NRDE2: variants seen among roughly 807,000 people sequenced by gnomAD.
NRDE2 encodes nuclear exosome regulator NRDE2.
Under a neutral mutation model 124.2 loss-of-function variants are expected in NRDE2, and 76 were observed. The ratio of observed to expected loss-of-function variants is 0.61; its 90% CI spans 0.51 to 0.74. The LOEUF is 0.74. Ranked by LOEUF, NRDE2 falls within the 30% of genes least tolerant of loss-of-function variation. The probability of loss-of-function intolerance (pLI) is 0.00; values close to 1 mark genes in which losing one functional copy is unlikely to be tolerated. For missense variants in NRDE2, 1,314 were observed against 1,417.3 expected (o/e 0.93, Z 1.17); for synonymous variants, 489 against 528.1 (o/e 0.93, Z 1.01).
At position 90,273,142 on chromosome 14, in the gene NRDE2, C is replaced by T. The variant is rs1206482105; in HGVS notation, c.*5194G>A. ...TCAGGCCTAAAGCTATTAAGTGGGA[C>T]AGATCAAGGTAAGCGTTCCCTTGAC... On this transcript the variant is annotated 3_prime_UTR_variant, in exon 14 of 14. Coordinates refer to ENST00000354366, the MANE Select transcript of NRDE2 (RefSeq NM_017970.4). The T allele has an allele frequency of 6.6e-6, 1 of 152,222 alleles. No individual in the cohort carries two copies. The highest frequency in any genetic ancestry group is 1.5e-5 in the Non-Finnish European group (1 of 68,054). The allele number at this position is 152,222 out of a possible 1,614,324, so 9.4% of individuals were successfully genotyped here.
rs754913653 is a variant in NRDE2, at chr14:90,298,380, C to A, written c.1546G>T (p.Val516Leu). Reference protein sequence around the residue: ...SVKDLPTKGQVEFFEPFWDSG... With the variant: ...SVKDLPTKGQLEFFEPFWDSG... Reference sequence around the variant, plus strand: ...TCCCAAAAGGGTTCAAAGAATTCCACCTGTTCAGATTTTAGAATGGACGTT... The same window carrying A: ...TCCCAAAAGGGTTCAAAGAATTCCAACTGTTCAGATTTTAGAATGGACGTT... The change falls in exon 8 of 14, where the codon GTG becomes TTG. Residue 516 changes from valine (V) to leucine (L), a missense_variant and splice_region_variant. Val to Leu is a conservative substitution (Grantham distance 32, BLOSUM62 1). Transcript: ENST00000354366. The A allele has an allele frequency of 1.2e-6, 2 of 1,613,664 alleles. No homozygotes were observed. Among genetic ancestry groups the A allele is most frequent in the African/African-American group, 2.7e-5 (2 of 74,920 alleles).
chr14:90,309,735 CCACTGTCCTCTGACCAG>C (rs1884758785), intron 4 of NRDE2, among the ~76,000 whole-genome samples: 1 of 152,272 alleles, frequency 6.6e-6, no homozygotes, highest in East Asian at 1.9e-4. Context: ...GACAGTATTC[CCACTGTCCTCTGACCAG>C]CTCAGACTGC....
chr14:90,288,453 T>C lies in NRDE2; in HGVS notation c.2922A>G (p.Lys974=). ...GAGGGGCCAGCGGGTAAACACTCAC[T>C]TTCATGTGGAATCTCAGCAGGCTCG... ...MHTSLLRFHM[K]VSVYPLAPLR... Residue 974 remains lysine (K), a synonymous_variant, in exon 11 of 14, where the codon AAA becomes AAG. Coordinates refer to ENST00000354366, the MANE Select transcript of NRDE2 (RefSeq NM_017970.4). 6.2e-7 allele frequency: 1 copy of C among 1,614,176 alleles called. No individual in the cohort carries two copies.
chr14:90,297,254 T>C (rs1227959474), intron 8 of NRDE2, among the ~76,000 whole-genome samples: 1 of 152,056 alleles, frequency 6.6e-6, no homozygotes, highest in African/African-American at 2.4e-5. Context: ...AAATACCTAG[T>C]TAATAATTTT....
chr14:90,315,814 A>G (rs1306170856), intron 3 of NRDE2, among the ~76,000 whole-genome samples: 1 of 150,958 alleles, frequency 6.6e-6, no homozygotes, highest in Admixed American at 6.6e-5. Context: ...AAAATTAGCC[A>G]GGCGTGGTGG....
At chr14:90,288,081 T>A in intron 11 of NRDE2, 136 bp downstream of exon 11, 1 of 772,016 alleles carries the variant, frequency 1.3e-6, no homozygotes, top group Non-Finnish European at 2.1e-6. Context: ...CTATGACACC[T>A]ACAGCCCCAC....
chr14:90,276,225 T>G lies in NRDE2; in HGVS notation c.*2111A>C, dbSNP rs1595050126. On this transcript the variant is annotated 3_prime_UTR_variant, in exon 14 of 14. Coordinates refer to ENST00000354366, the MANE Select transcript of NRDE2 (RefSeq NM_017970.4). The stretch of plus-strand genomic sequence containing the variant: ...GCAATCTCAAACGGGCTGTTTTTTT[T>G]TTTTTTTTTTCGAGACGGAGTCTTG... The G allele has an allele frequency of 6.7e-6, 1 of 148,938 alleles. No homozygotes were observed. The highest frequency in any genetic ancestry group is 2.2e-4 in the South Asian group (1 of 4,548). The allele number at this position is 148,938 out of a possible 1,614,324, so 9.2% of individuals were successfully genotyped here. A position where few individuals can be genotyped will look rare whatever the true frequency, so the allele number is the denominator to read the frequency against.
At chr14:90,308,181 T>C (rs1297399124) in intron 4 of NRDE2, among the ~76,000 whole-genome samples, 1 of 152,174 alleles carries the variant, frequency 6.6e-6, no homozygotes, top group Non-Finnish European at 1.5e-5. Context: ...GCCAAAGAAA[T>C]AACAATCTAT....
At position 90,272,574 on chromosome 14, in the gene NRDE2, T is replaced by C. The variant is rs1891698071; in HGVS notation, c.*5762A>G. On this transcript the variant is annotated 3_prime_UTR_variant, in exon 14 of 14. Transcript: ENST00000354366. This position sits in a 1 kb window ranked among gnomAD's most constrained non-coding sequence, Gnocchi z 4.5. ...TGTAAGTGCCCATTGGGTGGCCTGT[T>C]GGTCACTGTGCAGCAGTCTGCTTCC... The C allele has an allele frequency of 8.8e-6, 5 of 568,856 alleles. No individual in the cohort carries two copies. The highest frequency in any genetic ancestry group is 1.6e-5 in the Non-Finnish European group (5 of 315,492). 35.2% of individuals were successfully genotyped at this position (568,856 alleles called of 1,614,324 possible). A position where few individuals can be genotyped will look rare whatever the true frequency, so the allele number is the denominator to read the frequency against.
chr14:90,303,987 A>G lies in NRDE2; in HGVS notation c.953T>C (p.Val318Ala). 6.2e-7 allele frequency: 1 copy of G among 1,613,640 alleles called. No homozygotes were observed. The highest frequency in any genetic ancestry group is 2.2e-5 in the East Asian group (1 of 44,890). Reference protein sequence around the residue: ...KAKVEEFNRRVRENPRDTQLW... With the variant: ...KAKVEEFNRRARENPRDTQLW... ...CTGCGTATCCCGAGGATTCTCCCGCACCCTCCTGTTAAACTCCTCCACCTT... is the reference window on the plus strand; with the variant it reads ...CTGCGTATCCCGAGGATTCTCCCGCGCCCTCCTGTTAAACTCCTCCACCTT... Residue 318 changes from valine to alanine, a missense_variant, in exon 5 of 14, where the codon GTG becomes GCG. By Grantham distance (64) the Val-to-Ala change is moderately conservative (BLOSUM62 0). Coordinates refer to ENST00000354366, the MANE Select transcript of NRDE2 (RefSeq NM_017970.4).
intron 1 of NRDE2, among the ~76,000 whole-genome samples, chr14:90,322,568 A>G (rs553137695): frequency 6.6e-6 from 1 of 152,376 alleles, no homozygotes; most frequent in East Asian, 1.9e-4. Context: ...CTAGGTATAA[A>G]GTACAACTAG....
At position 90,277,645 on chromosome 14, in the gene NRDE2, G is replaced by A. The variant is rs1891833857; in HGVS notation, c.*691C>T. The A allele has an allele frequency of 6.6e-6, 1 of 152,352 alleles. No homozygotes were observed. Among genetic ancestry groups the A allele is most frequent in the Non-Finnish European group, 1.5e-5 (1 of 68,164 alleles). The allele number at this position is 152,352 out of a possible 1,614,324, so 9.4% of individuals were successfully genotyped here. A position where few individuals can be genotyped will look rare whatever the true frequency, so the allele number is the denominator to read the frequency against. On this transcript the variant is annotated 3_prime_UTR_variant, in exon 14 of 14. Coordinates refer to ENST00000354366, the MANE Select transcript of NRDE2 (RefSeq NM_017970.4). Reference sequence around the variant, plus strand: ...AGCGTGCTCGGCTCCTAGACGGCTTGGGAGCAGGCTTCCCCCAGAGGCTGC... The same window carrying A: ...AGCGTGCTCGGCTCCTAGACGGCTTAGGAGCAGGCTTCCCCCAGAGGCTGC...
intron 8 of NRDE2, among the ~76,000 whole-genome samples, chr14:90,296,842 A>G (rs1437137649): frequency 6.6e-6 from 1 of 152,160 alleles, no homozygotes; most frequent in Non-Finnish European, 1.5e-5. Flanking sequence ...AAGCACTTGA[A>G]AAGTAGCTAG....
intron 1 of NRDE2, among the ~76,000 whole-genome samples, chr14:90,323,230 A>G (rs1467907510): frequency 6.6e-6 from 1 of 152,248 alleles, no homozygotes; most frequent in African/African-American, 2.4e-5. Flanking sequence ...ATCGCTGAAT[A>G]ATTTAAGCTC....
At position 90,270,320 on chromosome 14, in the gene NRDE2, G is replaced by T. The variant is rs759313248; in HGVS notation, c.*8016C>A. 6.2e-7 allele frequency: 1 copy of T among 1,613,478 alleles called. No individual in the cohort carries two copies. The highest frequency in any genetic ancestry group is 2.2e-5 in the East Asian group (1 of 44,822). On this transcript the variant is annotated 3_prime_UTR_variant, in exon 14 of 14. Coordinates refer to ENST00000354366, the MANE Select transcript of NRDE2 (RefSeq NM_017970.4). ...TGTAACCCTGGACGACCTGATCATG[G>T]CTAAAGATGACCTCTCTGGTGCTGA...
intron 4 of NRDE2, among the ~76,000 whole-genome samples, chr14:90,306,329 C>T (rs761666429): frequency 8.5e-5 from 13 of 152,198 alleles, no homozygotes; most frequent in Non-Finnish European, 1.6e-4. Context: ...AGTGCCTCTG[C>T]CCTCCTCACT....
rs1268576417 is a variant in NRDE2, at chr14:90,270,102, A to G, written c.*8234T>C. The G allele has an allele frequency of 1.5e-6, 2 of 1,327,014 alleles. No individual in the cohort carries two copies. Among genetic ancestry groups the G allele is most frequent in the Non-Finnish European group, 2.0e-6 (2 of 977,012 alleles). The allele number at this position is 1,327,014 out of a possible 1,614,324, so 82.2% of individuals were successfully genotyped here. A position where few individuals can be genotyped will look rare whatever the true frequency, so the allele number is the denominator to read the frequency against. On this transcript the variant is annotated 3_prime_UTR_variant, in exon 14 of 14. Transcript: ENST00000354366. ...CTTCCCACAGAATTCTGTCCGACTG[A>G]AACTTCGTATGTAAGGAGATGGGCT...
At chr14:90,326,921 A>G (rs1175220794) in intron 1 of NRDE2, among the ~76,000 whole-genome samples, 1 of 152,250 alleles carries the variant, frequency 6.6e-6, no homozygotes, top group Non-Finnish European at 1.5e-5. Context: ...TCACATTAAT[A>G]CTGTTATTTT....
At chr14:90,298,002 T>C (rs962841923) in intron 8 of NRDE2, among the ~76,000 whole-genome samples, 1 of 151,136 alleles carries the variant, frequency 6.6e-6, no homozygotes, top group African/African-American at 2.4e-5. Context: ...CCTTCTTCAG[T>C]TGCAGCCTAT....
Sources: allele counts gnomAD v4.1 joint callset (sites outside exome capture counted in the v4.1 genomes callset), GRCh38; gene constraint gnomAD v4.1.1; non-coding constraint Gnocchi (gnomAD v3.1); transcripts MANE v1.5; gene names NCBI Gene and HGNC (gene_info 2026-07-23, HGNC 2026-07-21).